The following CTNND2 variants were observed in gnomAD, a reference collection of about 807,000 sequenced individuals.
CTNND2 encodes catenin delta 2, also known as catenin delta-2.
A neutral mutation model predicts 144.4 loss-of-function variants in CTNND2; 22 were observed. The ratio of observed to expected loss-of-function variants is 0.15; its 90% CI spans 0.11 to 0.22. The LOEUF (loss-of-function observed/expected upper bound fraction) is 0.22. CTNND2 is among the 10% of genes least tolerant of loss of function. The probability of loss-of-function intolerance (pLI) is 1.00; values close to 1 mark genes in which losing one functional copy is unlikely to be tolerated. For synonymous variants in CTNND2, 751 were observed against 695.6 expected (o/e 1.08, Z -1.25); for missense variants, 1,353 against 1,618.8 (o/e 0.84, Z 2.82).
At chr5:11,537,105 T>C (rs1370323223) in intron 3 of CTNND2, among the ~76,000 whole-genome samples, 1 of 151,940 alleles carries the variant, frequency 6.6e-6, no homozygotes, top group South Asian at 2.1e-4. Flanking sequence ...ATCATTCTGC[T>C]ACACTCCCAA....
chr5:11,762,611 T>A (rs1789334068), intron 1 of CTNND2, among the ~76,000 whole-genome samples: 1 of 152,156 alleles, frequency 6.6e-6, no homozygotes, highest in African/African-American at 2.4e-5. Flanking sequence ...TCAAGCAAAT[T>A]TCTCCTTTGC....
In CTNND2 at chr5:11,188,791, C is replaced by T. The variant is rs61751818; in HGVS notation, c.1975+10657G>A. Among the ~76,000 whole-genome samples, 1,171 of 152,160 alleles carry T rather than the reference C, an allele frequency of 7.7e-3. 9 individuals carry two copies. Among genetic ancestry groups the T allele is most frequent in the Admixed American group, 0.018 (281 of 15,292 alleles). On this transcript the variant is annotated intron_variant, in intron 11 of 21. Transcript: ENST00000304623. ...CTGAAGACTCTATGGGATACAGCTG[C>T]GTTATCACCTTGGAACACTTAACTC...
intron 1 of CTNND2, among the ~76,000 whole-genome samples, chr5:11,867,642 CATT>C (rs1156595778): frequency 1.3e-5 from 2 of 150,756 alleles, no homozygotes; most frequent in Non-Finnish European, 2.9e-5. Flanking sequence ...ACCATTCATT[CATT>C]CATTCATTCA....
At chr5:11,558,993 T>A (rs1776465605) in intron 3 of CTNND2, among the ~76,000 whole-genome samples, 1 of 152,162 alleles carries the variant, frequency 6.6e-6, no homozygotes, top group Admixed American at 6.5e-5. Context: ...GGTTTGGGCA[T>A]CATTGTGCAA....
chr5:11,758,581 C>T (rs1304165312), intron 1 of CTNND2, among the ~76,000 whole-genome samples: 1 of 151,886 alleles, frequency 6.6e-6, no homozygotes, highest in East Asian at 1.9e-4. Flanking sequence ...TCCAAGAGAC[C>T]ATGCTTATTC....
chr5:11,415,901 CTGTGT>C (rs1349246666), intron 3 of CTNND2, among the ~76,000 whole-genome samples: 1 of 152,006 alleles, frequency 6.6e-6, no homozygotes, highest in Non-Finnish European at 1.5e-5. Context: ...CTCTTAAGCC[CTGTGT>C]TGAGATGCAT....
chr5:11,411,984 A>G (rs1761575489), intron 4 of CTNND2, 51 bp downstream of exon 4: 3 of 1,422,680 alleles, frequency 2.1e-6, no homozygotes, highest in Non-Finnish European at 3.0e-6. Context: ...AAAAGTCATC[A>G]GTAGAGATAT....
intron 9 of CTNND2, among the ~76,000 whole-genome samples, chr5:11,307,722 C>A (rs1310288521): frequency 2.6e-5 from 4 of 152,116 alleles, no homozygotes; most frequent in African/African-American, 9.7e-5. Flanking sequence ...AAACTTATTA[C>A]TTTTAAGGGC....
chr5:11,331,292 T>C (rs1460699444), intron 9 of CTNND2, among the ~76,000 whole-genome samples: 1 of 152,214 alleles, frequency 6.6e-6, no homozygotes, highest in Non-Finnish European at 1.5e-5. Flanking sequence ...GAAAGCCTTC[T>C]GATTTAGCAT....
intron 14 of CTNND2, among the ~76,000 whole-genome samples, chr5:11,106,523 TG>T (rs1752441225): frequency 6.6e-6 from 1 of 152,172 alleles, no homozygotes; most frequent in Admixed American, 6.5e-5. Flanking sequence ...AAGTGGGCAG[TG>T]GGGGCTGTCA....
At chr5:11,230,433 C>T (rs1411956980) in intron 10 of CTNND2, among the ~76,000 whole-genome samples, 1 of 152,012 alleles carries the variant, frequency 6.6e-6, no homozygotes, top group African/African-American at 2.4e-5. Flanking sequence ...ATAGTCCATA[C>T]ACCTGAGGAA....
At chr5:11,470,972 ATATATATATTTTT>A (rs1216676108) in intron 3 of CTNND2, among the ~76,000 whole-genome samples, 6 of 98,432 alleles carry the variant, frequency 6.1e-5, no homozygotes, top group African/African-American at 2.9e-4. Flanking sequence ...ATATATATAT[ATATATATATTTTT>A]TTTTTTTTTT....
chr5:11,845,444 C>A (rs1490601397), intron 1 of CTNND2, among the ~76,000 whole-genome samples: 2 of 152,144 alleles, frequency 1.3e-5, no homozygotes, highest in Admixed American at 1.3e-4. Context: ...AAGATGAGGT[C>A]ATACTGGAGT....
intron 3 of CTNND2, among the ~76,000 whole-genome samples, chr5:11,478,993 T>A (rs986220055): frequency 6.6e-6 from 1 of 152,164 alleles, no homozygotes; most frequent in Non-Finnish European, 1.5e-5. Context: ...GAGGAAAACA[T>A]AATTTAACTT....
intron 1 of CTNND2, among the ~76,000 whole-genome samples, chr5:11,835,953 G>C (rs1400637743): frequency 1.3e-5 from 2 of 151,840 alleles, no homozygotes; most frequent in Non-Finnish European, 2.9e-5. Context: ...CATGCATTTA[G>C]TGCTATACAT....
intron 2 of CTNND2, among the ~76,000 whole-genome samples, chr5:11,565,813 T>C (rs999112023): frequency 6.6e-6 from 1 of 152,236 alleles, no homozygotes; most frequent in Non-Finnish European, 1.5e-5. Context: ...ATTTTACTAC[T>C]GATGTTTTCT....
At chr5:11,563,790 C>T (rs1411747662) in intron 3 of CTNND2, among the ~76,000 whole-genome samples, 1 of 151,564 alleles carries the variant, frequency 6.6e-6, no homozygotes, top group Non-Finnish European at 1.5e-5. Context: ...CAGCATGTGA[C>T]TCCAATACGA....
At chr5:11,536,049 ATTTTAT>A (rs1437841840) in intron 3 of CTNND2, among the ~76,000 whole-genome samples, 1 of 152,078 alleles carries the variant, frequency 6.6e-6, no homozygotes, top group African/African-American at 2.4e-5. Flanking sequence ...TAGCTCTTTT[ATTTTAT>A]TTTTATTTTC....
intron 1 of CTNND2, among the ~76,000 whole-genome samples, chr5:11,838,522 G>A (rs969553095): frequency 3.3e-5 from 5 of 152,046 alleles, no homozygotes; most frequent in Admixed American, 6.6e-5. Context: ...AGACATGGAC[G>A]TTGCTGGGGT....
Sources: allele counts gnomAD v4.1 joint callset (sites outside exome capture counted in the v4.1 genomes callset), GRCh38; gene constraint gnomAD v4.1.1; transcripts MANE v1.5; gene names NCBI Gene and HGNC (gene_info 2026-07-23, HGNC 2026-07-21).